Variants in PCDHGB2 observed in about 807,000 individuals in gnomAD.
The protein encoded by PCDHGB2 is protocadherin gamma-B2.
PCDHGB2 carries 55 observed loss-of-function variants against 59.3 expected under a neutral mutation model. That is an observed-to-expected ratio of 0.93 (90% CI 0.75 to 1.16). PCDHGB2 has a LOEUF of 1.16. Ranked by LOEUF, PCDHGB2 falls within the 50% of genes most tolerant of loss-of-function variation. The pLI is 0.00. For synonymous variants in PCDHGB2, 516 were observed against 512.0 expected (o/e 1.01, Z -0.11); for missense variants, 1,228 against 1,198.5 (o/e 1.02, Z -0.36).
rs766784928 is a variant in PCDHGB2, at chr5:141,431,447, G to T, written c.2422-63360G>T. ...GCGCACAGGCACCGCGCGCATCCGC[G>T]TGATGGTTCTGGATGCGAACGACAA... On this transcript the variant is annotated intron_variant, in intron 1 of 3. Coordinates refer to ENST00000522605, the MANE Select transcript of PCDHGB2 (RefSeq NM_018923.3). The surrounding 1 kb of genome is among the most constrained non-coding windows in gnomAD (Gnocchi z 4.8). 2 of 1,613,792 alleles carry T rather than the reference G, an allele frequency of 1.2e-6. No individual in the cohort carries two copies. The highest frequency in any genetic ancestry group is 1.7e-6 in the Non-Finnish European group (2 of 1,180,014).
chr5:141,447,849 G>A (rs2154561912), intron 1 of PCDHGB2, among the ~76,000 whole-genome samples: 1 of 152,306 alleles, frequency 6.6e-6, no homozygotes, highest in East Asian at 1.9e-4. Context: ...GCTTTGGGAG[G>A]CCGAGGTGGG....
At chr5:141,412,936 A>T in intron 1 of PCDHGB2, 1 of 459,508 alleles carries the variant, frequency 2.2e-6, no homozygotes, top group African/African-American at 2.0e-5. Flanking sequence ...ACTTCTTAGG[A>T]CTCTGAGCGC....
intron 1 of PCDHGB2, among the ~76,000 whole-genome samples, chr5:141,479,041 C>T (rs1346986831): frequency 1.2e-4 from 18 of 152,100 alleles, no homozygotes; most frequent in Admixed American, 1.2e-3. Flanking sequence ...AGATCGTGTA[C>T]CTCATTCTCA....
At chr5:141,453,240 A>G (rs1470706774) in intron 1 of PCDHGB2, among the ~76,000 whole-genome samples, 1 of 152,020 alleles carries the variant, frequency 6.6e-6, no homozygotes, top group African/African-American at 2.4e-5. Context: ...CAGCCTCCCA[A>G]ATAGCTGGGG....
chr5:141,463,590 A>G (rs975534405), intron 1 of PCDHGB2, among the ~76,000 whole-genome samples: 3 of 151,848 alleles, frequency 2.0e-5, no homozygotes, highest in African/African-American at 7.3e-5. Flanking sequence ...CTGGGACTAC[A>G]GGTGCCTGCC....
intron 1 of PCDHGB2, chr5:141,375,687 G>A (rs1588775167): frequency 6.2e-7 from 1 of 1,614,258 alleles, no homozygotes. Flanking sequence ...GTGACAGCCA[G>A]CGACAGCGGG....
chr5:141,375,174 C>G (rs765614006), intron 1 of PCDHGB2: 7 of 1,613,886 alleles, frequency 4.3e-6, no homozygotes, highest in East Asian at 4.5e-5. Flanking sequence ...CCTCCAGGAA[C>G]AGTAATCGCC....
chr5:141,390,097 C>T, intron 1 of PCDHGB2: 1 of 1,614,026 alleles, frequency 6.2e-7, no homozygotes, highest in Non-Finnish European at 8.5e-7. Context: ...TCCGTGGTTC[C>T]CCCCAACTAC....
chr5:141,477,878 C>A lies in PCDHGB2; in HGVS notation c.2422-16929C>A. ...GCTGCCTCGAGGTACCTCAGCTGGC[C>A]ACCTAGTGTCACGGGTGGTAGGCTG... is the stretch of plus-strand genomic sequence containing the variant. On this transcript the variant is annotated intron_variant, in intron 1 of 3. Transcript: ENST00000522605. The surrounding 1 kb of genome is among the most constrained non-coding windows in gnomAD (Gnocchi z 4.9). 1.2e-6 allele frequency: 2 copies of A among 1,614,158 alleles called. No individual in the cohort carries two copies. Among genetic ancestry groups the A allele is most frequent in the Non-Finnish European group, 1.7e-6 (2 of 1,180,008 alleles).
intron 1 of PCDHGB2, chr5:141,389,438 C>A (rs781427097): frequency 6.2e-7 from 1 of 1,610,474 alleles, no homozygotes; most frequent in Non-Finnish European, 8.5e-7. Context: ...AGCGCGCCTT[C>A]GACCACGAGC....
At chr5:141,403,444 G>A (rs2094408321) in intron 1 of PCDHGB2, 1 of 1,613,906 alleles carries the variant, frequency 6.2e-7, no homozygotes, top group African/African-American at 1.3e-5. Flanking sequence ...ATGTTGGCGT[G>A]AACTCCCTCC....
chr5:141,371,485 C>T, intron 1 of PCDHGB2: 1 of 1,613,980 alleles, frequency 6.2e-7, no homozygotes, highest in South Asian at 1.1e-5. Context: ...GAGCTGGGGA[C>T]TGCCGTTGCC....
intron 1 of PCDHGB2, chr5:141,415,551 C>A (rs745641887): frequency 5.6e-6 from 9 of 1,614,014 alleles, no homozygotes; most frequent in Non-Finnish European, 7.6e-6. Context: ...GTGAGAAAAA[C>A]GATCCTTTGT....
chr5:141,423,423 G>C (rs1561809630), intron 1 of PCDHGB2: 2 of 1,614,096 alleles, frequency 1.2e-6, no homozygotes, highest in Non-Finnish European at 8.5e-7. Flanking sequence ...CTGAAGGCGG[G>C]TTGGCAGGTA....
chr5:141,481,026 C>T (rs1315533254), intron 1 of PCDHGB2, among the ~76,000 whole-genome samples: 1 of 152,100 alleles, frequency 6.6e-6, no homozygotes, highest in African/African-American at 2.4e-5. Flanking sequence ...CCACTGCACT[C>T]CAGCCTGGGC....
intron 1 of PCDHGB2, chr5:141,423,616 G>A: frequency 6.2e-7 from 1 of 1,609,594 alleles, no homozygotes; most frequent in Admixed American, 1.7e-5. Context: ...GATAGCTGAA[G>A]ACTCAGCTAT....
chr5:141,442,797 G>A (rs140116155), intron 1 of PCDHGB2, among the ~76,000 whole-genome samples: 1,916 of 152,222 alleles, frequency 0.013, 22 homozygotes, highest in Non-Finnish European at 0.02. Context: ...ATTTTACTTT[G>A]ATATTCAAAT....
In PCDHGB2 at chr5:141,370,463, T is replaced by C. The variant is rs763997500; in HGVS notation, c.2421+7907T>C. On this transcript the variant is annotated intron_variant, in intron 1 of 3. Coordinates refer to ENST00000522605, the MANE Select transcript of PCDHGB2 (RefSeq NM_018923.3). ...GAATGCTATTTCTCTTCCTGCTCTCTTTGTTAGACCAGGCTCTCTCCGAAC... is the reference window on the plus strand; with the variant it reads ...GAATGCTATTTCTCTTCCTGCTCTCCTTGTTAGACCAGGCTCTCTCCGAAC... The C allele has an allele frequency of 1.9e-6, 3 of 1,612,968 alleles. No individual in the cohort carries two copies. The East Asian group carries it at 6.7e-5, about 36-fold the overall frequency.
At chr5:141,395,215 A>G in intron 1 of PCDHGB2, 1 of 1,612,350 alleles carries the variant, frequency 6.2e-7, no homozygotes, top group Middle Eastern at 1.7e-4. Context: ...CATGAATATA[A>G]GAATGAAGCT....
Sources: gnomAD v4.1 joint callset for allele counts (sites outside exome capture counted in the v4.1 genomes callset) on GRCh38, gnomAD v4.1.1 for gene constraint, Gnocchi (gnomAD v3.1) non-coding constraint, MANE v1.5 for transcripts, NCBI Gene and HGNC (gene_info 2026-07-23, HGNC 2026-07-21) for gene names.